CTNND2: variants seen among roughly 807,000 people sequenced by gnomAD.
The protein encoded by CTNND2 is catenin delta-2.
In CTNND2, 22 loss-of-function variants were observed where a neutral mutation model predicts 144.4. That is an observed-to-expected ratio of 0.15 (90% CI 0.11 to 0.22). The LOEUF is 0.22. Among genes scored for constraint, CTNND2 ranks in the 10% least tolerant of loss-of-function variants. The pLI, the probability that CTNND2 is intolerant of heterozygous loss-of-function variation, is 1.00. For missense variants in CTNND2, 1,353 were observed against 1,618.8 expected, an observed-to-expected ratio of 0.84 and a Z score of 2.82; for synonymous variants, 751 against 695.6, an observed-to-expected ratio of 1.08 and a Z score of -1.25.
rs2561631 is a variant in CTNND2, at chr5:11,565,393, A to G, written c.175-337T>C. Among the ~76,000 whole-genome samples the G allele has an allele frequency of 0.9, 136,575 of 152,312 alleles. 61,291 individuals carry two copies. The highest frequency in any genetic ancestry group is 0.92 in the Admixed American group (14,121 of 15,310). On this transcript the variant is annotated intron_variant, in intron 2 of 21. Coordinates refer to ENST00000304623, the MANE Select transcript of CTNND2 (RefSeq NM_001332.4). ...AGACGGTCAGCACCCAACAGGTACC[A>G]ATACTCCTGATACCACAAGTATAGC...
chr5:11,010,031 T>C (rs544565214), intron 18 of CTNND2, among the ~76,000 whole-genome samples: 1 of 152,364 alleles, frequency 6.6e-6, no homozygotes, highest in Admixed American at 6.5e-5. Flanking sequence ...TTTTGTTTTC[T>C]ACCCTTACTT....
At chr5:11,488,165 C>T (rs866366235) in intron 3 of CTNND2, among the ~76,000 whole-genome samples, 2 of 152,314 alleles carry the variant, frequency 1.3e-5, no homozygotes, top group South Asian at 2.1e-4. Flanking sequence ...TCTTAAACTG[C>T]AGTAGATTTC....
intron 9 of CTNND2, among the ~76,000 whole-genome samples, chr5:11,304,956 GCTT>G (rs1313005050): frequency 1.5e-4 from 2 of 13,030 alleles, no homozygotes; most frequent in Non-Finnish European, 4.5e-4. Context: ...GTGCTTCCTT[GCTT>G]GCTTGCTTGC....
At chr5:11,787,538 A>C (rs1175699718) in intron 1 of CTNND2, among the ~76,000 whole-genome samples, 1 of 152,228 alleles carries the variant, frequency 6.6e-6, no homozygotes, top group Non-Finnish European at 1.5e-5. Flanking sequence ...AAGCATTTGT[A>C]ATGTTACCTT....
At chr5:11,867,439 G>C (rs184937509) in intron 1 of CTNND2, among the ~76,000 whole-genome samples, 1 of 152,162 alleles carries the variant, frequency 6.6e-6, no homozygotes, top group Admixed American at 6.5e-5. Context: ...TTAACGAGCT[G>C]TTTAAGATTT....
intron 1 of CTNND2, among the ~76,000 whole-genome samples, chr5:11,833,642 G>A (rs933721983): frequency 2.0e-5 from 3 of 152,094 alleles, no homozygotes; most frequent in African/African-American, 7.2e-5. Flanking sequence ...TCCTGCCTCA[G>A]CCTCCCGAGT....
chr5:11,420,443 T>C (rs892096090), intron 3 of CTNND2, among the ~76,000 whole-genome samples: 1 of 152,212 alleles, frequency 6.6e-6, no homozygotes, highest in Non-Finnish European at 1.5e-5. Context: ...ACATTTTTAG[T>C]ACATAGTTTT....
At chr5:11,280,750 G>C (rs544205534) in intron 9 of CTNND2, among the ~76,000 whole-genome samples, 15 of 152,288 alleles carry the variant, frequency 9.8e-5, no homozygotes, top group Admixed American at 7.2e-4. Context: ...CAATCCCTGA[G>C]CACTTTCAGT....
chr5:11,092,719 C>T (rs575871376), intron 15 of CTNND2, among the ~76,000 whole-genome samples: 5 of 152,288 alleles, frequency 3.3e-5, no homozygotes, highest in South Asian at 2.1e-4. Context: ...CGATGCTTCG[C>T]GTTGTATTTT....
intron 1 of CTNND2, among the ~76,000 whole-genome samples, chr5:11,744,668 AGTGT>A (rs529940170): frequency 5.1e-5 from 5 of 98,654 alleles, no homozygotes; most frequent in African/African-American, 1.5e-4. Context: ...CTTGAAGAGG[AGTGT>A]GTGTGTGTGT....
intron 9 of CTNND2, among the ~76,000 whole-genome samples, chr5:11,309,397 G>T (rs2150047006): frequency 6.6e-6 from 1 of 152,322 alleles, no homozygotes; most frequent in Non-Finnish European, 1.5e-5. Flanking sequence ...GGAGTCAAAG[G>T]AGATTATTTT....
chr5:11,296,785 A>G (rs956595105), intron 9 of CTNND2, among the ~76,000 whole-genome samples: 1 of 152,176 alleles, frequency 6.6e-6, no homozygotes, highest in Admixed American at 6.5e-5. Flanking sequence ...TTGAACAATG[A>G]GAACACATGG....
intron 1 of CTNND2, among the ~76,000 whole-genome samples, chr5:11,892,683 G>T (rs2127100654): frequency 6.6e-6 from 1 of 151,614 alleles, no homozygotes; most frequent in African/African-American, 2.4e-5. Context: ...CCTTCTTTGG[G>T]CCAGAGCTAA....
At chr5:11,067,000 C>T (rs892391483) in intron 16 of CTNND2, among the ~76,000 whole-genome samples, 1 of 152,140 alleles carries the variant, frequency 6.6e-6, no homozygotes, top group African/African-American at 2.4e-5. Context: ...CATATACCAA[C>T]CCCAGAGTTA....
chr5:11,899,090 C>A (rs1401224389), intron 1 of CTNND2, among the ~76,000 whole-genome samples: 2 of 152,162 alleles, frequency 1.3e-5, no homozygotes, highest in African/African-American at 4.8e-5. Flanking sequence ...AATTCACACA[C>A]TTTTTAGTTC....
At chr5:11,252,893 C>T (rs1743817546) in intron 9 of CTNND2, among the ~76,000 whole-genome samples, 1 of 152,194 alleles carries the variant, frequency 6.6e-6, no homozygotes, top group Admixed American at 6.5e-5. Context: ...TCTTATGGCT[C>T]TTTCAATTAT....
chr5:11,136,879 A>C (rs1417042154), intron 12 of CTNND2, among the ~76,000 whole-genome samples: 1 of 152,204 alleles, frequency 6.6e-6, no homozygotes, highest in African/African-American at 2.4e-5. Flanking sequence ...CTCATCATTC[A>C]AGTCTTTTCC....
chr5:11,624,985 T>C (rs1039130638), intron 2 of CTNND2, among the ~76,000 whole-genome samples: 7 of 152,054 alleles, frequency 4.6e-5, no homozygotes, highest in Non-Finnish European at 7.4e-5. Context: ...CAAAAATCCA[T>C]TGACAACAAC....
chr5:11,394,121 T>A (rs969927408), intron 6 of CTNND2, among the ~76,000 whole-genome samples: 2 of 152,188 alleles, frequency 1.3e-5, no homozygotes, highest in African/African-American at 4.8e-5. Flanking sequence ...CACTCCCCCA[T>A]GCACTTTGGA....
Sources: gnomAD v4.1 joint callset for allele counts (sites outside exome capture counted in the v4.1 genomes callset) on GRCh38, gnomAD v4.1.1 for gene constraint, MANE v1.5 for transcripts, NCBI Gene and HGNC (gene_info 2026-07-23, HGNC 2026-07-21) for gene names.